Variants in TPD52L1 observed in about 807,000 individuals in gnomAD.
The protein encoded by TPD52L1 is tumor protein D53.
TPD52L1 carries 18 observed loss-of-function variants against 28.7 expected under a neutral mutation model. The ratio of observed to expected loss-of-function variants is 0.63; its 90% CI spans 0.43 to 0.93. The LOEUF is 0.93. TPD52L1 is among the 40% of genes least tolerant of loss of function. The pLI is 0.00. For missense variants in TPD52L1, 203 were observed against 254.8 expected, an observed-to-expected ratio of 0.80 and a Z score of 1.39; for synonymous variants, 75 against 88.8, an observed-to-expected ratio of 0.84 and a Z score of 0.88.
rs375477783 is a variant in TPD52L1, at chr6:125,207,374, A to G, written c.20-12704A>G. 2.6e-5 allele frequency among the ~76,000 whole-genome samples: 4 copies of G among 152,344 alleles called. No homozygotes were observed. In the South Asian group the frequency reaches 6.2e-4, roughly 24 times the overall value. ...TTATGTGAGTTTGGGCAATTTATTTAACTTTCTGAACCATCATTTCCTTTT... is the reference window on the plus strand; with the variant it reads ...TTATGTGAGTTTGGGCAATTTATTTGACTTTCTGAACCATCATTTCCTTTT... On this transcript the variant is annotated intron_variant, in intron 1 of 6. Coordinates refer to ENST00000534000, the MANE Select transcript of TPD52L1 (RefSeq NM_003287.4).
chr6:125,201,613 A>G (rs1228812748), intron 1 of TPD52L1, among the ~76,000 whole-genome samples: 3 of 152,194 alleles, frequency 2.0e-5, no homozygotes, highest in East Asian at 3.9e-4. Flanking sequence ...TTTTTTCACA[A>G]TCTTGCCAAC....
Position 125,189,431 on chromosome 6 carries a change from C to T in TPD52L1, c.20-30647C>T, listed in dbSNP as rs531281018. Among the ~76,000 whole-genome samples, 8 of 152,256 alleles carry T rather than the reference C, an allele frequency of 5.3e-5. No homozygotes were observed. In the East Asian group the frequency reaches 1.2e-3, roughly 22 times the overall value. ...GTAAAATGATGTGTGTTATATCTAA[C>T]TGGATTTGGGAGCAAAGAATTTCAA... is the stretch of plus-strand genomic sequence containing the variant. On this transcript the variant is annotated intron_variant, in intron 1 of 6. Coordinates refer to ENST00000534000, the MANE Select transcript of TPD52L1 (RefSeq NM_003287.4).
chr6:125,197,110 A>G (rs928007268), intron 1 of TPD52L1, among the ~76,000 whole-genome samples: 4 of 152,238 alleles, frequency 2.6e-5, no homozygotes, highest in Admixed American at 6.5e-5. Context: ...AAACAGACTC[A>G]TAATCATGCT....
chr6:125,252,106 C>T, intron 4 of TPD52L1: 2 of 1,508,388 alleles, frequency 1.3e-6, no homozygotes, highest in Non-Finnish European at 1.8e-6. Flanking sequence ...CCAGGGCTCC[C>T]TGTTTCTTTC....
At chr6:125,170,428 A>G (rs926012305) in intron 1 of TPD52L1, among the ~76,000 whole-genome samples, 4 of 151,824 alleles carry the variant, frequency 2.6e-5, no homozygotes, top group African/African-American at 7.3e-5. Context: ...AGATTTATTT[A>G]CTATCCAGGA....
chr6:125,163,464 C>T (rs935206167), intron 1 of TPD52L1, among the ~76,000 whole-genome samples: 3 of 151,776 alleles, frequency 2.0e-5, no homozygotes, highest in African/African-American at 7.3e-5. Flanking sequence ...TGCATGTATT[C>T]CCAGCTACTT....
At chr6:125,166,773 TA>T (rs138251121) in intron 1 of TPD52L1, among the ~76,000 whole-genome samples, 15,899 of 137,266 alleles carry the variant, frequency 0.12, 1,402 homozygotes, top group African/African-American at 0.26. Context: ...ATGACTTCTT[TA>T]AAAAAAAAAA....
chr6:125,257,398 G>A (rs9482617), intron 6 of TPD52L1, among the ~76,000 whole-genome samples: 2,779 of 152,268 alleles, frequency 0.018, 76 homozygotes, highest in African/African-American at 0.063. Context: ...TGGGGTATGC[G>A]TTTACCACTT....
At chr6:125,256,624 C>T (rs1311857196) in intron 5 of TPD52L1, among the ~76,000 whole-genome samples, 1 of 152,182 alleles carries the variant, frequency 6.6e-6, no homozygotes, top group Non-Finnish European at 1.5e-5. Flanking sequence ...AATTGTCTCA[C>T]ATTTGCTGAA....
intron 3 of TPD52L1, chr6:125,231,082 C>A (rs1401317566): frequency 6.6e-6 from 1 of 152,190 alleles, no homozygotes; most frequent in Non-Finnish European, 1.5e-5. Flanking sequence ...ATGGCCCTGA[C>A]AGTGTAAAGT....
intron 1 of TPD52L1, among the ~76,000 whole-genome samples, chr6:125,190,449 A>G (rs1792957654): frequency 6.6e-6 from 1 of 152,026 alleles, no homozygotes; most frequent in African/African-American, 2.4e-5. Context: ...GCAGTCCCTA[A>G]CCTTTTGGGT....
intron 1 of TPD52L1, among the ~76,000 whole-genome samples, chr6:125,164,425 C>T (rs775009194): frequency 9.9e-5 from 15 of 152,110 alleles, no homozygotes; most frequent in Non-Finnish European, 1.9e-4. Flanking sequence ...TAAACCAATA[C>T]AGAATTTTAT....
intron 1 of TPD52L1, among the ~76,000 whole-genome samples, chr6:125,178,517 A>G (rs571501435): frequency 2.7e-4 from 41 of 152,296 alleles, no homozygotes; most frequent in African/African-American, 9.6e-4. Flanking sequence ...GCTACTCAGG[A>G]GGCTGAGGCA....
intron 1 of TPD52L1, among the ~76,000 whole-genome samples, chr6:125,168,379 AC>A (rs1419559344): frequency 4.0e-5 from 6 of 151,626 alleles, no homozygotes. Context: ...TCTTCTTAGT[AC>A]CCTCTTCTCT....
chr6:125,177,938 A>C (rs1478432040), intron 1 of TPD52L1, among the ~76,000 whole-genome samples: 2 of 152,196 alleles, frequency 1.3e-5, no homozygotes, highest in Admixed American at 1.3e-4. Flanking sequence ...TAAATTTAAA[A>C]GCTAAGTATA....
At chr6:125,204,669 C>T (rs1305135728) in intron 1 of TPD52L1, among the ~76,000 whole-genome samples, 5 of 151,964 alleles carry the variant, frequency 3.3e-5, no homozygotes, top group East Asian at 1.9e-4. Context: ...TTAATAGAGA[C>T]GGGGTTTCAC....
chr6:125,178,951 T>A lies in TPD52L1; in HGVS notation c.19+24981T>A, dbSNP rs893219121. Among the ~76,000 whole-genome samples, 3 of 152,322 alleles carry A rather than the reference T, an allele frequency of 2.0e-5. No homozygotes were observed. The East Asian group carries it at 5.8e-4, about 29-fold the overall frequency. ...GAACTTATTATTGTTTGTCCACAAC[T>A]CCCTGACTTCCAAAGGGAAACTTGT... On this transcript the variant is annotated intron_variant, in intron 1 of 6. Coordinates refer to ENST00000534000, the MANE Select transcript of TPD52L1 (RefSeq NM_003287.4).
At chr6:125,204,700 C>T (rs534481497) in intron 1 of TPD52L1, among the ~76,000 whole-genome samples, 5 of 152,182 alleles carry the variant, frequency 3.3e-5, no homozygotes, top group East Asian at 3.9e-4. Flanking sequence ...AGGATGGTCT[C>T]GATCTCCTGA....
chr6:125,167,379 G>A (rs542537321), intron 1 of TPD52L1, among the ~76,000 whole-genome samples: 3 of 152,274 alleles, frequency 2.0e-5, no homozygotes, highest in African/African-American at 4.8e-5. Context: ...GGGCATTACC[G>A]GAAAGGAAAA....
Sources: allele counts gnomAD v4.1 joint callset (sites outside exome capture counted in the v4.1 genomes callset), GRCh38; gene constraint gnomAD v4.1.1; transcripts MANE v1.5; gene names NCBI Gene and HGNC (gene_info 2026-07-23, HGNC 2026-07-21).